Variants in SHISA9 observed in about 807,000 individuals in gnomAD.
SHISA9 encodes shisa family member 9.
In SHISA9, 13 loss-of-function variants were observed where a neutral mutation model predicts 38.0. The ratio of observed to expected loss-of-function variants is 0.34; its 90% CI spans 0.22 to 0.54. The LOEUF (loss-of-function observed/expected upper bound fraction) is 0.54. Ranked by LOEUF, SHISA9 falls within the 20% of genes least tolerant of loss-of-function variation. The probability of loss-of-function intolerance (pLI) is 0.91; values close to 1 mark genes in which losing one functional copy is unlikely to be tolerated. For missense variants in SHISA9, 538 were observed against 575.8 expected (o/e 0.93, Z 0.67); for synonymous variants, 275 against 242.0 (o/e 1.14, Z -1.27).
chr16:12,968,189 C>CAAAAAAAAAAAAAAAAA (rs200194973), intron 2 of SHISA9, among the ~76,000 whole-genome samples: 6 of 82,044 alleles, frequency 7.3e-5, no homozygotes, highest in African/African-American at 3.0e-4. Flanking sequence ...GGCTCCATCT[C>CAAAAAAAAAAAAAAAAA]AAAAAAAAAA....
At chr16:13,038,359 C>T (rs2073097774) in intron 2 of SHISA9, among the ~76,000 whole-genome samples, 1 of 152,190 alleles carries the variant, frequency 6.6e-6, no homozygotes, top group Non-Finnish European at 1.5e-5. Context: ...TCCTTCAGAG[C>T]AGCTAGGATA....
At chr16:13,275,358 G>A in the SHISA9 span, among the ~76,000 whole-genome samples, 1 of 151,998 alleles carries the variant, frequency 6.6e-6, no homozygotes, top group Non-Finnish European at 1.5e-5. Flanking sequence ...TATTGTTTTA[G>A]TAATTAAGTC....
At chr16:13,132,526 A>G (rs758682978) in intron 2 of SHISA9, among the ~76,000 whole-genome samples, 99 of 152,024 alleles carry the variant, frequency 6.5e-4, no homozygotes, top group Non-Finnish European at 6.9e-4. Flanking sequence ...CCTGGCTTCT[A>G]CTCCCTAGAT....
the SHISA9 span, among the ~76,000 whole-genome samples, chr16:13,288,656 T>C: frequency 2.0e-5 from 3 of 152,066 alleles, no homozygotes; most frequent in Non-Finnish European, 2.9e-5. Context: ...TAGCTGTGTG[T>C]GGTCACATGC....
chr16:13,387,956 G>T, the SHISA9 span, among the ~76,000 whole-genome samples: 1 of 152,046 alleles, frequency 6.6e-6, no homozygotes, highest in African/African-American at 2.4e-5. Flanking sequence ...GTATCTCCTG[G>T]ATCTCCACAC....
intron 2 of SHISA9, among the ~76,000 whole-genome samples, chr16:12,980,890 AT>A (rs1186482394): frequency 6.6e-6 from 1 of 152,008 alleles, no homozygotes. Flanking sequence ...CATGCCTGAT[AT>A]TTTAAATTGG....
intron 2 of SHISA9, among the ~76,000 whole-genome samples, chr16:13,085,318 C>G (rs1214809937): frequency 1.3e-5 from 2 of 151,404 alleles, no homozygotes; most frequent in African/African-American, 4.9e-5. Context: ...TAAGGAAGAG[C>G]TAATAGTATT....
intron 2 of SHISA9, among the ~76,000 whole-genome samples, chr16:13,056,293 T>C (rs575686969): frequency 6.6e-6 from 1 of 152,284 alleles, no homozygotes; most frequent in Admixed American, 6.5e-5. Flanking sequence ...GAGGCATTGG[T>C]AGAAGAAGAG....
At chr16:13,262,654 A>AAGGAAGGAAGGAAGGG in the SHISA9 span, among the ~76,000 whole-genome samples, 2 of 47,716 alleles carry the variant, frequency 4.2e-5, no homozygotes, top group African/African-American at 1.8e-4. Context: ...GGAAGGAAGG[A>AAGGAAGGAAGGAAGGG]AGGAAGGAAG....
chr16:12,957,078 CTCCCTCCT>C (rs1347917639), intron 2 of SHISA9, among the ~76,000 whole-genome samples: 16 of 152,190 alleles, frequency 1.1e-4, no homozygotes, highest in Non-Finnish European at 2.1e-4. Flanking sequence ...CTACTCTCTT[CTCCCTCCT>C]TCCCTCCTTC....
At chr16:13,391,893 G>C in the SHISA9 span, among the ~76,000 whole-genome samples, 1 of 152,288 alleles carries the variant, frequency 6.6e-6, no homozygotes, top group East Asian at 1.9e-4. Flanking sequence ...CATCTGTTTG[G>C]AATGATGCAG....
At chr16:13,449,834 G>A in the SHISA9 span, among the ~76,000 whole-genome samples, 1 of 152,152 alleles carries the variant, frequency 6.6e-6, no homozygotes, top group Non-Finnish European at 1.5e-5. Context: ...TCCAAAGACA[G>A]GTCTGGGCGC....
intron 1 of SHISA9, chr16:12,908,650 C>A: frequency 1.3e-6 from 2 of 1,548,612 alleles, no homozygotes; most frequent in Non-Finnish European, 1.7e-6. Context: ...CCAGACTTCT[C>A]AGATCACAGA....
chr16:13,046,782 A>G (rs1020955656), intron 2 of SHISA9, among the ~76,000 whole-genome samples: 1 of 152,008 alleles, frequency 6.6e-6, no homozygotes, highest in East Asian at 1.9e-4. Flanking sequence ...CTTTCATCTC[A>G]TTCACCTCCA....
At chr16:13,022,433 G>A (rs2072869017) in intron 2 of SHISA9, among the ~76,000 whole-genome samples, 1 of 151,966 alleles carries the variant, frequency 6.6e-6, no homozygotes, top group Non-Finnish European at 1.5e-5. Flanking sequence ...CCGGGTTCAC[G>A]CGATTCTCCT....
At chr16:13,361,121 T>G in the SHISA9 span, among the ~76,000 whole-genome samples, 1 of 152,238 alleles carries the variant, frequency 6.6e-6, no homozygotes, top group Non-Finnish European at 1.5e-5. Flanking sequence ...TTCCTTCATT[T>G]CCCATACTCA....
the SHISA9 span, among the ~76,000 whole-genome samples, chr16:13,302,499 T>A: frequency 6.6e-6 from 1 of 152,182 alleles, no homozygotes; most frequent in Admixed American, 6.5e-5. Context: ...GCAATGGGAC[T>A]GAGCCACCTC....
chr16:13,454,636 G>T, the SHISA9 span, among the ~76,000 whole-genome samples: 1 of 152,188 alleles, frequency 6.6e-6, no homozygotes, highest in South Asian at 2.1e-4. Flanking sequence ...AGGCAGACTT[G>T]CTCTAACACC....
At chr16:13,536,523 C>T in the SHISA9 span, among the ~76,000 whole-genome samples, 6 of 152,232 alleles carry the variant, frequency 3.9e-5, no homozygotes, top group South Asian at 1.2e-3. Context: ...AACGAATAAG[C>T]CCTAACATAG....
Sources: allele counts gnomAD v4.1 joint callset (sites outside exome capture counted in the v4.1 genomes callset), GRCh38; gene constraint gnomAD v4.1.1; transcripts MANE v1.5; gene names NCBI Gene and HGNC (gene_info 2026-07-23, HGNC 2026-07-21).